Variants in TIAM2 observed in about 807,000 individuals in gnomAD.
TIAM2 encodes the protein rho guanine nucleotide exchange factor TIAM2.
Under a neutral mutation model 152.9 loss-of-function variants are expected in TIAM2, and 80 were observed. The observed-to-expected ratio is 0.52, with a 90% CI of 0.44 to 0.63. The LOEUF (loss-of-function observed/expected upper bound fraction) is 0.63. Ranked by LOEUF, TIAM2 falls within the 30% of genes least tolerant of loss-of-function variation. The pLI is 0.00. For synonymous variants in TIAM2, 804 were observed against 838.0 expected (o/e 0.96, Z 0.70); for missense variants, 1,965 against 2,120.1 (o/e 0.93, Z 1.44).
intron 1 of TIAM2, among the ~76,000 whole-genome samples, chr6:155,072,886 C>T (rs1248275182): frequency 3.9e-5 from 6 of 152,038 alleles, no homozygotes; most frequent in African/African-American, 7.2e-5. Flanking sequence ...CAACAGAGGA[C>T]GGAGCCTCAA....
intron 13 of TIAM2, 40 bp from the exon 14 acceptor site, chr6:155,183,196 AT>A: frequency 1.3e-6 from 2 of 1,595,592 alleles, no homozygotes. Flanking sequence ...TCTCACAGTA[AT>A]CCCTCTCTCT....
In TIAM2 at chr6:155,177,989, G is replaced by A. The variant is rs1410747185; in HGVS notation, c.2523+1012G>A. ...ATCCTGGCTAACACGGTGAAACCCCGTCTCTACTAAAAATACAAAAAATTA... is the reference window on the plus strand; with the variant it reads ...ATCCTGGCTAACACGGTGAAACCCCATCTCTACTAAAAATACAAAAAATTA... On this transcript the variant is annotated intron_variant, in intron 10 of 26. Coordinates refer to ENST00000682666, the MANE Select transcript of TIAM2 (RefSeq NM_012454.4). Among the ~76,000 whole-genome samples the A allele has an allele frequency of 3.9e-5, 6 of 151,956 alleles. No homozygotes were observed. In the South Asian group the frequency reaches 1.0e-3, roughly 26 times the overall value.
At chr6:155,221,253 G>A (rs1397449662) in intron 15 of TIAM2, among the ~76,000 whole-genome samples, 5 of 152,016 alleles carry the variant, frequency 3.3e-5, no homozygotes, top group East Asian at 1.9e-4. Flanking sequence ...GAATCACTGC[G>A]CTGGGGTGGG....
At chr6:155,181,229 G>A (rs749984195) in intron 12 of TIAM2, among the ~76,000 whole-genome samples, 3 of 152,138 alleles carry the variant, frequency 2.0e-5, no homozygotes. Flanking sequence ...CATCACAGAG[G>A]GGGACACTAA....
At chr6:155,019,690 T>C (rs1776426286) in intron 1 of TIAM2, among the ~76,000 whole-genome samples, 1 of 152,218 alleles carries the variant, frequency 6.6e-6, no homozygotes, top group Non-Finnish European at 1.5e-5. Flanking sequence ...AGCTGGCTAG[T>C]CTTGGAGAAT....
intron 1 of TIAM2, among the ~76,000 whole-genome samples, chr6:155,012,263 C>A (rs1411529858): frequency 7.9e-5 from 12 of 152,144 alleles, no homozygotes; most frequent in African/African-American, 2.7e-4. Flanking sequence ...CATTTCTTAT[C>A]CTGTTCTTTA....
intron 1 of TIAM2, among the ~76,000 whole-genome samples, chr6:155,049,600 C>A (rs1562300903): frequency 6.6e-6 from 1 of 152,064 alleles, no homozygotes. Flanking sequence ...TAACCTTATT[C>A]TGAGGGTACA....
At chr6:155,083,329 A>G (rs1778109877) in intron 1 of TIAM2, among the ~76,000 whole-genome samples, 1 of 148,538 alleles carries the variant, frequency 6.7e-6, no homozygotes, top group Non-Finnish European at 1.5e-5. Flanking sequence ...AGTCTGGGCA[A>G]CAGAGTGAGA....
intron 2 of TIAM2, among the ~76,000 whole-genome samples, chr6:155,126,107 T>C: frequency 6.6e-6 from 1 of 152,154 alleles, no homozygotes; most frequent in East Asian, 1.9e-4. Context: ...ATAAACAAAA[T>C]GTGGCATGCA....
Position 155,185,710 on chromosome 6 carries a change from T to C in TIAM2, c.3064+2210T>C, listed in dbSNP as rs77536498. The stretch of plus-strand genomic sequence containing the variant: ...GCTTGTCCACATCACGTCCTCCTGA[T>C]GGAATCTTGCAGGTTCTTCCACTAC... On this transcript the variant is annotated intron_variant, in intron 14 of 26. Coordinates refer to ENST00000682666, the MANE Select transcript of TIAM2 (RefSeq NM_012454.4). Among the ~76,000 whole-genome samples the C allele has an allele frequency of 4.0e-4, 61 of 152,298 alleles. 1 individual carries two copies. In the East Asian group the frequency reaches 9.9e-3, roughly 25 times the overall value.
chr6:155,172,982 T>C lies in TIAM2; in HGVS notation c.2362-3834T>C, dbSNP rs559674953. ...ATGTGTATTTTCAACTTGGATAGCA[T>C]TGACCTTCCTTCAGAGAATTAATCC... is the stretch of plus-strand genomic sequence containing the variant. On this transcript the variant is annotated intron_variant, in intron 9 of 26. Coordinates refer to ENST00000682666, the MANE Select transcript of TIAM2 (RefSeq NM_012454.4). Among the ~76,000 whole-genome samples the C allele has an allele frequency of 4.6e-5, 7 of 152,162 alleles. No individual in the cohort carries two copies. In the South Asian group the frequency reaches 1.5e-3, roughly 32 times the overall value.
In TIAM2 at chr6:155,257,599, C is replaced by CTGT. The variant is rs1562381539; in HGVS notation, c.*480_*482dup. On this transcript the variant is annotated 3_prime_UTR_variant, in exon 27 of 27. Transcript: ENST00000682666. ...TTTGTAAGATAGATTGTAATAGATG[C>CTGT]TGTTTATACTAAACATGTCATAACT... is the stretch of plus-strand genomic sequence containing the variant. The CTGT allele has an allele frequency of 4.0e-6, 2 of 497,824 alleles. No individual in the cohort carries two copies. Among genetic ancestry groups the CTGT allele is most frequent in the East Asian group, 7.3e-5 (2 of 27,526 alleles). 30.8% of individuals were successfully genotyped at this position (497,824 alleles called of 1,614,324 possible). A position where few individuals can be genotyped will look rare whatever the true frequency, so the allele number is the denominator to read the frequency against.
chr6:155,133,795 C>T (rs1290373405), intron 4 of TIAM2, among the ~76,000 whole-genome samples: 1 of 151,334 alleles, frequency 6.6e-6, no homozygotes, highest in African/African-American at 2.4e-5. Flanking sequence ...AGTGCAGTGG[C>T]GCCATGTCGG....
At chr6:155,049,250 G>A (rs9397769) in intron 1 of TIAM2, among the ~76,000 whole-genome samples, 67,601 of 151,718 alleles carry the variant, frequency 0.45, 15,262 homozygotes, top group Middle Eastern at 0.51. Flanking sequence ...CCATGGATGC[G>A]GAGCACAGTG....
intron 1 of TIAM2, among the ~76,000 whole-genome samples, chr6:155,001,774 CAT>C (rs1357378659): frequency 6.6e-6 from 1 of 152,218 alleles, no homozygotes; most frequent in Admixed American, 6.5e-5. Context: ...GCCTTTTGGA[CAT>C]AGTTCTTCAT....
chr6:155,115,676 T>C (rs1554231503), intron 2 of TIAM2, among the ~76,000 whole-genome samples: 1 of 152,078 alleles, frequency 6.6e-6, no homozygotes, highest in Non-Finnish European at 1.5e-5. Context: ...CAATCGATGT[T>C]AAAAAATGAT....
At chr6:155,088,687 G>C (rs892160368) in intron 1 of TIAM2, among the ~76,000 whole-genome samples, 2 of 152,164 alleles carry the variant, frequency 1.3e-5, no homozygotes, top group Non-Finnish European at 2.9e-5. Flanking sequence ...CAGTCCCCTT[G>C]CTCTAAGGCA....
chr6:155,008,762 T>C (rs1362621930), intron 1 of TIAM2, among the ~76,000 whole-genome samples: 1 of 152,186 alleles, frequency 6.6e-6, no homozygotes, highest in African/African-American at 2.4e-5. Flanking sequence ...ACTCAAACTT[T>C]TATTTGACCC....
At chr6:155,132,771 C>T (rs970167065) in intron 4 of TIAM2, among the ~76,000 whole-genome samples, 2 of 152,184 alleles carry the variant, frequency 1.3e-5, no homozygotes, top group African/African-American at 2.4e-5. Flanking sequence ...GTGGTGGCAT[C>T]GAGCCAATGA....
Sources: gnomAD v4.1 joint callset for allele counts (sites outside exome capture counted in the v4.1 genomes callset) on GRCh38, gnomAD v4.1.1 for gene constraint, MANE v1.5 for transcripts, NCBI Gene and HGNC (gene_info 2026-07-23, HGNC 2026-07-21) for gene names.